The following CETN3 variants were observed in gnomAD, a reference collection of about 807,000 sequenced individuals.
CETN3 encodes the protein centrin-3.
CETN3 carries 17 observed loss-of-function variants against 20.1 expected under a neutral mutation model. The observed-to-expected ratio is 0.85, with a 90% CI of 0.58 to 1.27. CETN3 has a LOEUF of 1.27. Among genes scored for constraint, CETN3 ranks in the 50% most tolerant of loss-of-function variants. CETN3 has a pLI of 0.00. For missense variants in CETN3, 169 were observed against 191.2 expected, an observed-to-expected ratio of 0.88 and a Z score of 0.69; for synonymous variants, 52 against 59.7, an observed-to-expected ratio of 0.87 and a Z score of 0.59.
intron 4 of CETN3, chr5:90,396,077 T>C: frequency 1.1e-6 from 1 of 952,284 alleles, no homozygotes; most frequent in Non-Finnish European, 1.2e-6. Flanking sequence ...TAGGTAAAGG[T>C]AAATCATTAC....
At position 90,405,716 on chromosome 5, in the gene CETN3, C is replaced by A; in HGVS notation, c.237G>T (p.Gly79=). The A allele has an allele frequency of 6.2e-7, 1 of 1,611,504 alleles. No homozygotes were observed. Among genetic ancestry groups the A allele is most frequent in the Non-Finnish European group, 8.5e-7 (1 of 1,177,928 alleles). ...CATTAAAATCTTCAAAGGTGATTTT[C>A]CCTGTGGCTTCTCTGTCATAATCTT... ...ILKDYDREAT[G]KITFEDFNEV... Residue 79 remains glycine (G), a synonymous_variant, in exon 3 of 5, where the codon GGG becomes GGT. Coordinates refer to ENST00000283122, the MANE Select transcript of CETN3 (RefSeq NM_004365.4).
intron 4 of CETN3, 37 bp downstream of exon 4, chr5:90,399,321 A>T: frequency 6.2e-7 from 1 of 1,600,240 alleles, no homozygotes; most frequent in Non-Finnish European, 8.6e-7. Context: ...GTGTAGCATC[A>T]GGAAAACCTG....
Position 90,393,881 on chromosome 5 carries a change from G to C in CETN3, c.*183C>G. The stretch of plus-strand genomic sequence containing the variant: ...TTATAAATACAAAGCTAAACTATCT[G>C]AGTACTAACAACACAGTTCATACAA... On this transcript the variant is annotated 3_prime_UTR_variant, in exon 5 of 5. Transcript: ENST00000283122. 1 of 471,510 alleles carries C rather than the reference G, an allele frequency of 2.1e-6. No homozygotes were observed. 29.2% of individuals were successfully genotyped at this position (471,510 alleles called of 1,614,324 possible).
intron 2 of CETN3, among the ~76,000 whole-genome samples, chr5:90,406,791 T>C (rs1749455135): frequency 7.6e-6 from 1 of 130,936 alleles, no homozygotes; most frequent in African/African-American, 2.9e-5. Context: ...AGATAGTCAA[T>C]GGTTACAAAT....
intron 4 of CETN3, chr5:90,399,096 C>A: frequency 3.5e-6 from 2 of 574,312 alleles, no homozygotes; most frequent in South Asian, 2.3e-5. Flanking sequence ...AGGGAGAAGC[C>A]ATTAAAGACT....
At chr5:90,405,600 C>T in intron 3 of CETN3, 85 bp downstream of exon 3, 2 of 869,950 alleles carry the variant, frequency 2.3e-6, no homozygotes, top group Non-Finnish European at 3.8e-6. Flanking sequence ...AATTCCATAA[C>T]CTAGAGAATT....
intron 4 of CETN3, chr5:90,395,992 A>G (rs1284104386): frequency 1.1e-6 from 1 of 890,370 alleles, no homozygotes; most frequent in East Asian, 1.2e-4. Context: ...ACTATTTATT[A>G]TTAAAACAAA....
chr5:90,405,294 C>A (rs1015594335), intron 3 of CETN3: 2 of 192,950 alleles, frequency 1.0e-5, no homozygotes, highest in Non-Finnish European at 2.1e-5. Flanking sequence ...AAATCACATA[C>A]CAGAAAGGTC....
At chr5:90,402,584 A>G (rs898271906) in intron 3 of CETN3, among the ~76,000 whole-genome samples, 1 of 152,214 alleles carries the variant, frequency 6.6e-6, no homozygotes, top group Admixed American at 6.5e-5. Flanking sequence ...AAAGACTTCA[A>G]TTCCTCTAGA....
intron 3 of CETN3, among the ~76,000 whole-genome samples, chr5:90,400,255 A>G (rs1179862085): frequency 6.6e-6 from 1 of 152,204 alleles, no homozygotes; most frequent in Non-Finnish European, 1.5e-5. Context: ...GTTTGGATAA[A>G]TCACTCTCAG....
chr5:90,407,674 C>G (rs758113872), intron 2 of CETN3, 25 bp downstream of exon 2: 25 of 1,369,944 alleles, frequency 1.8e-5, no homozygotes, highest in Non-Finnish European at 2.4e-5. Context: ...AACACAGAAA[C>G]AAATATTTTA....
chr5:90,407,701 T>C lies in CETN3; in HGVS notation c.151A>G (p.Lys51Glu). 1 of 1,515,012 alleles carries C rather than the reference T, an allele frequency of 6.6e-7. No individual in the cohort carries two copies. Among genetic ancestry groups the C allele is most frequent in the Non-Finnish European group, 8.9e-7 (1 of 1,118,628 alleles). 93.8% of individuals were successfully genotyped at this position (1,515,012 alleles called of 1,614,324 possible). ...KDEAIDYHEL[K>E]VAMRALGFDV... is the part of the protein sequence containing the mutation. The stretch of plus-strand genomic sequence containing the variant: ...AATATTTTAAAGTATACCATTACCT[T>C]TAATTCATGATAATCTATTGCTTCA... The change falls in exon 2 of 5, where the codon AAG (lysine) becomes GAG (glutamate). Residue 51 changes from lysine to glutamate, a missense_variant and splice_region_variant. Physicochemically the swap from Lys to Glu is moderately conservative, Grantham distance 56. Transcript: ENST00000283122.
chr5:90,396,393 A>T lies in CETN3; in HGVS notation c.461-2286T>A, dbSNP rs1749136792. 2.2e-5 allele frequency: 32 copies of T among 1,427,800 alleles called. No homozygotes were observed. The South Asian group carries it at 4.4e-4, about 20-fold the overall frequency. The allele number at this position is 1,427,800 out of a possible 1,614,324, so 88.4% of individuals were successfully genotyped here. On this transcript the variant is annotated intron_variant, in intron 4 of 4. Coordinates refer to ENST00000283122, the MANE Select transcript of CETN3 (RefSeq NM_004365.4). ...TGATCTTTAACCTTTGCAGTTAAAT[A>T]GCCATGTCTGAATATCTTAGGAAAG...
chr5:90,396,019 A>G, intron 4 of CETN3: 2 of 891,364 alleles, frequency 2.2e-6, no homozygotes, highest in Non-Finnish European at 2.7e-6. Context: ...ATCAGTGTTG[A>G]AAAAAAATCC....
chr5:90,408,436 C>T (rs946466345), intron 1 of CETN3, among the ~76,000 whole-genome samples: 1 of 152,100 alleles, frequency 6.6e-6, no homozygotes, highest in African/African-American at 2.4e-5. Context: ...TATTAACAAA[C>T]CATCGAAAAT....
intron 3 of CETN3, among the ~76,000 whole-genome samples, chr5:90,400,607 A>C (rs1180366157): frequency 1.3e-5 from 2 of 150,854 alleles, no homozygotes; most frequent in African/African-American, 4.9e-5. Flanking sequence ...AAAAAAAAGC[A>C]ACTGCTTATA....
intron 3 of CETN3, among the ~76,000 whole-genome samples, chr5:90,403,815 G>C (rs1749363877): frequency 1.4e-5 from 2 of 138,930 alleles, no homozygotes; most frequent in African/African-American, 5.4e-5. Flanking sequence ...AGCTTGCAGT[G>C]AGCCGAGATC....
chr5:90,409,495 T>G (rs1366089349), intron 1 of CETN3, 150 bp downstream of exon 1: 1 of 843,606 alleles, frequency 1.2e-6, no homozygotes, highest in African/African-American at 1.7e-5. Context: ...AGAGGGTGAG[T>G]GATCCGGGCA....
rs1222453417 is a variant in CETN3 at position 90,392,959 on chromosome 5, A to G, written c.*1105T>C. ...ATGATACTACACTTTAAACTTAAAA[A>G]TTTAAAACAAGAATTCTAAAGAAAG... is the stretch of plus-strand genomic sequence containing the variant. On this transcript the variant is annotated 3_prime_UTR_variant, in exon 5 of 5. Coordinates refer to ENST00000283122, the MANE Select transcript of CETN3 (RefSeq NM_004365.4). The G allele has an allele frequency of 2.6e-5, 4 of 152,228 alleles. No individual in the cohort carries two copies. The highest frequency in any genetic ancestry group is 9.6e-5 in the African/African-American group (4 of 41,468). 9.4% of individuals were successfully genotyped at this position (152,228 alleles called of 1,614,324 possible).
Sources: allele counts gnomAD v4.1 joint callset (sites outside exome capture counted in the v4.1 genomes callset), GRCh38; gene constraint gnomAD v4.1.1; transcripts MANE v1.5; gene names NCBI Gene and HGNC (gene_info 2026-07-23, HGNC 2026-07-21).